The following PCDHGA3 variants were observed in gnomAD, a reference collection of about 807,000 sequenced individuals.
PCDHGA3 encodes the protein protocadherin gamma subfamily A, 3.
PCDHGA3 carries 40 observed loss-of-function variants against 58.5 expected under a neutral mutation model. The observed-to-expected ratio is 0.68, with a 90% CI of 0.53 to 0.89. The LOEUF (loss-of-function observed/expected upper bound fraction) is 0.89. PCDHGA3 is among the 40% of genes least tolerant of loss of function. The pLI, the probability that PCDHGA3 is intolerant of heterozygous loss-of-function variation, is 0.00. For synonymous variants in PCDHGA3, 530 were observed against 525.7 expected (o/e 1.01, Z -0.11); for missense variants, 1,223 against 1,195.9 (o/e 1.02, Z -0.33).
chr5:141,364,575 G>T (rs372313739), intron 1 of PCDHGA3: 9 of 1,614,070 alleles, frequency 5.6e-6, no homozygotes, highest in East Asian at 2.2e-5. Flanking sequence ...CCGCGAAGCG[G>T]CAGCTTGGTC....
chr5:141,362,154 A>G, intron 1 of PCDHGA3: 1 of 1,614,030 alleles, frequency 6.2e-7, no homozygotes, highest in Non-Finnish European at 8.5e-7. Flanking sequence ...AGGTATTGCC[A>G]GACCTCAGCG....
intron 1 of PCDHGA3, chr5:141,360,515 A>G (rs761181928): frequency 6.2e-7 from 1 of 1,613,898 alleles, no homozygotes. Flanking sequence ...CAGGATATAA[A>G]TGATAATACC....
rs780007896 is a variant in PCDHGA3 at position 141,399,692 on chromosome 5, G to T, written c.2424+53235G>T. 1.2e-5 allele frequency: 19 copies of T among 1,613,318 alleles called. No individual in the cohort carries two copies. The South Asian group carries it at 2.1e-4, about 18-fold the overall frequency. ...CGCGCCTTTGACTACGAGCAGCTGC[G>T]CACCTTCGAACTCACACTACAGGCC... On this transcript the variant is annotated intron_variant, in intron 1 of 3. Coordinates refer to ENST00000253812, the MANE Select transcript of PCDHGA3 (RefSeq NM_018916.4).
At chr5:141,492,659 T>C (rs2099742881) in intron 1 of PCDHGA3, among the ~76,000 whole-genome samples, 1 of 152,182 alleles carries the variant, frequency 6.6e-6, no homozygotes, top group Non-Finnish European at 1.5e-5. Context: ...GTCCGGATGG[T>C]CCCGGGACTC....
rs559164097 is a variant in PCDHGA3, at chr5:141,350,779, A to G, written c.2424+4322A>G. On this transcript the variant is annotated intron_variant, in intron 1 of 3. Transcript: ENST00000253812. ...AGTTATACACCATCAACCCCAATCA[A>G]TACTTCTCTCTGTCAACGAAGGAAA... 12 of 1,613,968 alleles carry G rather than the reference A, an allele frequency of 7.4e-6. No individual in the cohort carries two copies. The Admixed American group carries it at 1.2e-4, about 16-fold the overall frequency.
chr5:141,369,898 C>A (rs1410359575), intron 1 of PCDHGA3, among the ~76,000 whole-genome samples: 1 of 152,106 alleles, frequency 6.6e-6, no homozygotes, highest in Non-Finnish European at 1.5e-5. Flanking sequence ...TTATTATGAC[C>A]ATTTTATGAA....
At chr5:141,350,772 C>G in intron 1 of PCDHGA3, 1 of 1,613,910 alleles carries the variant, frequency 6.2e-7, no homozygotes, top group Non-Finnish European at 8.5e-7. Context: ...ACCATCAACC[C>G]CAATCAATAC....
chr5:141,361,583 C>G (rs1762083225), intron 1 of PCDHGA3: 1 of 1,613,914 alleles, frequency 6.2e-7, no homozygotes, highest in Admixed American at 1.7e-5. Flanking sequence ...GACTTGGGCC[C>G]CAGTGGCCAA....
chr5:141,399,071 T>C (rs2093748237), intron 1 of PCDHGA3: 1 of 1,613,808 alleles, frequency 6.2e-7, no homozygotes. Flanking sequence ...TCAATGGTTG[T>C]AGAAGGGAGG....
chr5:141,373,523 C>CA (rs1248195840), intron 1 of PCDHGA3, among the ~76,000 whole-genome samples: 5 of 151,934 alleles, frequency 3.3e-5, no homozygotes, highest in African/African-American at 7.3e-5. Flanking sequence ...ACTTTGTCTC[C>CA]AAAAAAGTGT....
rs2099748032 is a variant in PCDHGA3 at position 141,493,397 on chromosome 5, G to A, written c.2425-1410G>A. ...TTAAAAGCTTGAGGACAGGAGAGGG[G>A]AGTTGCCTCTGCTGGGATTTTGCTT... On this transcript the variant is annotated intron_variant, in intron 1 of 3. Coordinates refer to ENST00000253812, the MANE Select transcript of PCDHGA3 (RefSeq NM_018916.4). This position sits in a 1 kb window ranked among gnomAD's most constrained non-coding sequence, Gnocchi z 4.3. Among the ~76,000 whole-genome samples the A allele has an allele frequency of 6.6e-6, 1 of 152,176 alleles. No individual in the cohort carries two copies. Among genetic ancestry groups the A allele is most frequent in the Non-Finnish European group, 1.5e-5 (1 of 68,040 alleles).
rs1258181913 is a variant in PCDHGA3, at chr5:141,366,360, G to A, written c.2424+19903G>A. ...CCTGACATCCTGGCTGACCTAGGCA[G>A]TATCAAGACCCCCATTGACCCTGAG... On this transcript the variant is annotated intron_variant, in intron 1 of 3. Coordinates refer to ENST00000253812, the MANE Select transcript of PCDHGA3 (RefSeq NM_018916.4). The A allele has an allele frequency of 9.3e-6, 15 of 1,614,022 alleles. No homozygotes were observed. The highest frequency in any genetic ancestry group is 1.3e-5 in the African/African-American group (1 of 75,076).
chr5:141,403,853 A>G (rs765359583), intron 1 of PCDHGA3: 3 of 1,613,726 alleles, frequency 1.9e-6, no homozygotes, highest in Non-Finnish European at 2.5e-6. Context: ...TACTGGGGAA[A>G]TATCAACAGC....
In PCDHGA3 at chr5:141,490,490, C is replaced by A. The variant is rs886264588; in HGVS notation, c.2425-4317C>A. The A allele has an allele frequency of 1.2e-6, 2 of 1,614,184 alleles. No individual in the cohort carries two copies. Among genetic ancestry groups the A allele is most frequent in the Non-Finnish European group, 1.7e-6 (2 of 1,180,028 alleles). ...AGCCAGCCTTTGGACCGGGAGGCCA[C>A]ATCCCACTATATCATCGAGCTGCTG... On this transcript the variant is annotated intron_variant, in intron 1 of 3. Transcript: ENST00000253812. The surrounding 1 kb of genome is among the most constrained non-coding windows in gnomAD (Gnocchi z 5.4).
intron 1 of PCDHGA3, chr5:141,430,868 G>A (rs1414256124): frequency 6.3e-7 from 1 of 1,597,104 alleles, no homozygotes; most frequent in Admixed American, 1.8e-5. Context: ...TTCAGTTCCG[G>A]AAGAGCTGGA....
intron 1 of PCDHGA3, among the ~76,000 whole-genome samples, chr5:141,405,997 C>T (rs1589599248): frequency 6.6e-6 from 1 of 151,926 alleles, no homozygotes; most frequent in Non-Finnish European, 1.5e-5. Context: ...TAGCTCTCAG[C>T]CTGCATTGAT....
At chr5:141,459,263 C>T (rs2098964603) in intron 1 of PCDHGA3, among the ~76,000 whole-genome samples, 1 of 152,176 alleles carries the variant, frequency 6.6e-6, no homozygotes, top group South Asian at 2.1e-4. Flanking sequence ...ATTAGTGTTG[C>T]CTCTTTCAGA....
chr5:141,466,147 G>A (rs2099117729), intron 1 of PCDHGA3, among the ~76,000 whole-genome samples: 1 of 151,722 alleles, frequency 6.6e-6, no homozygotes, highest in South Asian at 2.1e-4. Flanking sequence ...TGAAAACTCT[G>A]GTCTTAAACT....
intron 1 of PCDHGA3, chr5:141,352,757 A>AG: frequency 1.5e-6 from 2 of 1,333,708 alleles, no homozygotes; most frequent in Non-Finnish European, 2.1e-6. Flanking sequence ...AACCAGGCTG[A>AG]GGCAGGTGGA....
Sources: gnomAD v4.1 joint callset for allele counts (sites outside exome capture counted in the v4.1 genomes callset) on GRCh38, gnomAD v4.1.1 for gene constraint, Gnocchi (gnomAD v3.1) non-coding constraint, MANE v1.5 for transcripts, NCBI Gene and HGNC (gene_info 2026-07-23, HGNC 2026-07-21) for gene names.